Variants in PRELID2 observed in about 807,000 individuals in gnomAD.
PRELID2 encodes the protein PRELI domain containing 2.
Under a neutral mutation model 28.4 loss-of-function variants are expected in PRELID2, and 25 were observed. The observed-to-expected ratio is 0.88, with a 90% CI of 0.64 to 1.23. PRELID2 has a LOEUF of 1.23. Among genes scored for constraint, PRELID2 ranks in the 50% most tolerant of loss-of-function variants. The pLI, the probability that PRELID2 is intolerant of heterozygous loss-of-function variation, is 0.00. For synonymous variants in PRELID2, 76 were observed against 71.6 expected (o/e 1.06, Z -0.31); for missense variants, 201 against 214.4 (o/e 0.94, Z 0.39).
At chr5:145,319,680 A>AAAATAAAT in the PRELID2 span, among the ~76,000 whole-genome samples, 48 of 144,652 alleles carry the variant, frequency 3.3e-4, no homozygotes, top group Non-Finnish European at 4.5e-4. Flanking sequence ...CTCCATCTCA[A>AAAATAAAT]AAATAAATAA....
At chr5:145,229,742 C>A in the PRELID2 span, 1 of 753,800 alleles carries the variant, frequency 1.3e-6, no homozygotes, top group Non-Finnish European at 2.4e-6. Context: ...TGCACAAAAC[C>A]AATCAAGGCC....
chr5:145,316,100 G>T, the PRELID2 span, among the ~76,000 whole-genome samples: 10 of 152,136 alleles, frequency 6.6e-5, no homozygotes, highest in East Asian at 5.8e-4. Flanking sequence ...CTTGAAATTG[G>T]CCATGGTAGA....
At chr5:145,767,349 G>A (rs991690808) in intron 5 of PRELID2, among the ~76,000 whole-genome samples, 14 of 151,928 alleles carry the variant, frequency 9.2e-5, no homozygotes, top group East Asian at 1.9e-4. Context: ...TCCCCATCCC[G>A]CTGAGAGCCA....
intron 1 of PRELID2, among the ~76,000 whole-genome samples, chr5:145,690,354 G>A (rs1005512267): frequency 6.6e-6 from 1 of 152,116 alleles, no homozygotes; most frequent in African/African-American, 2.4e-5. Context: ...TTTAGCAGTG[G>A]AATATATGAC....
chr5:145,482,193 G>A (rs544659787), intron 1 of PRELID2, among the ~76,000 whole-genome samples: 111 of 152,306 alleles, frequency 7.3e-4, no homozygotes, highest in African/African-American at 2.5e-3. Flanking sequence ...CACACAGAAG[G>A]ATTTTGTGAG....
chr5:145,574,525 T>A (rs555637436), intron 1 of PRELID2, among the ~76,000 whole-genome samples: 10 of 152,346 alleles, frequency 6.6e-5, no homozygotes, highest in African/African-American at 2.4e-4. Context: ...TTAGTCATCT[T>A]GTCAGCATGA....
the PRELID2 span, among the ~76,000 whole-genome samples, chr5:145,408,150 G>A: frequency 2.2e-4 from 33 of 152,094 alleles, no homozygotes; most frequent in African/African-American, 7.2e-4. Flanking sequence ...AATCTGAACC[G>A]CAGCCCTTGA....
intron 1 of PRELID2, among the ~76,000 whole-genome samples, chr5:145,707,993 C>G (rs933912615): frequency 1.3e-5 from 2 of 152,148 alleles, no homozygotes; most frequent in Non-Finnish European, 2.9e-5. Context: ...ATAGCAAACA[C>G]TCAATAAATA....
the PRELID2 span, among the ~76,000 whole-genome samples, chr5:145,394,305 C>T: frequency 2.0e-5 from 3 of 151,824 alleles, no homozygotes; most frequent in Non-Finnish European, 4.4e-5. Flanking sequence ...AACTGGAAAC[C>T]ATCATTCTCA....
the PRELID2 span, among the ~76,000 whole-genome samples, chr5:145,431,109 ATT>A: frequency 6.9e-6 from 1 of 144,658 alleles, no homozygotes; most frequent in Non-Finnish European, 1.5e-5. Flanking sequence ...CTCTTCTGAC[ATT>A]TTCTTAAAAC....
chr5:145,440,732 G>A, the PRELID2 span: 20 of 152,184 alleles, frequency 1.3e-4, no homozygotes, highest in African/African-American at 3.4e-4. Flanking sequence ...TGGGGGCTGG[G>A]AAACAATTAC....
intron 1 of PRELID2, among the ~76,000 whole-genome samples, chr5:145,498,759 G>C (rs946477242): frequency 6.6e-6 from 1 of 151,846 alleles, no homozygotes; most frequent in Non-Finnish European, 1.5e-5. Flanking sequence ...GTTTCACCAT[G>C]TTGGCCAAAC....
intron 1 of PRELID2, among the ~76,000 whole-genome samples, chr5:145,648,966 A>G (rs966721588): frequency 6.6e-6 from 1 of 152,082 alleles, no homozygotes; most frequent in African/African-American, 2.4e-5. Flanking sequence ...AGTAGAAACC[A>G]TACTTTGAGT....
At chr5:145,604,115 G>A (rs1053727796) in intron 1 of PRELID2, among the ~76,000 whole-genome samples, 1 of 151,550 alleles carries the variant, frequency 6.6e-6, no homozygotes, top group African/African-American at 2.4e-5. Flanking sequence ...TAACTTTTAG[G>A]TTCAGGGGTA....
At chr5:145,400,338 A>T in the PRELID2 span, among the ~76,000 whole-genome samples, 1 of 152,024 alleles carries the variant, frequency 6.6e-6, no homozygotes, top group African/African-American at 2.4e-5. Flanking sequence ...AAAGTTCAGG[A>T]TCCCCAATCA....
Position 145,553,182 on chromosome 5 carries a change from A to ACCC in PRELID2, n.71-79870_71-79868dup, listed in dbSNP as rs1181624545. On this transcript the variant is annotated intron_variant and non_coding_transcript_variant, in intron 1 of 2. Transcript: ENST00000510259. The stretch of plus-strand genomic sequence containing the variant: ...TGAAATATATACCAGTTGCTAGAGG[A>ACCC]CCCCCCCCCCCAAAAAAAAAGGGAG... Among the ~76,000 whole-genome samples the ACCC allele has an allele frequency of 3.1e-3, 329 of 106,608 alleles. 2 individuals are homozygous for ACCC. Among genetic ancestry groups the ACCC allele is most frequent in the Non-Finnish European group, 5.1e-3 (262 of 51,514 alleles). The allele number at this position is 106,608 out of a possible 152,430, so 69.9% of individuals were successfully genotyped here.
the PRELID2 span, among the ~76,000 whole-genome samples, chr5:145,309,668 G>T: frequency 6.6e-6 from 1 of 152,120 alleles, no homozygotes; most frequent in African/African-American, 2.4e-5. Flanking sequence ...GCTATGTTCA[G>T]TCTTCCTATC....
chr5:145,451,868 T>C, the PRELID2 span, among the ~76,000 whole-genome samples: 2 of 152,146 alleles, frequency 1.3e-5, no homozygotes, highest in African/African-American at 2.4e-5. Flanking sequence ...AAAAAAAGCC[T>C]GAATTATGTG....
the PRELID2 span, among the ~76,000 whole-genome samples, chr5:145,414,694 G>C: frequency 2.0e-5 from 3 of 152,170 alleles, no homozygotes; most frequent in South Asian, 6.2e-4. Context: ...GTGAATCAGA[G>C]TAGTGTTCTC....
Sources: gnomAD v4.1 joint callset for allele counts (sites outside exome capture counted in the v4.1 genomes callset) on GRCh38, gnomAD v4.1.1 for gene constraint, MANE v1.5 for transcripts, NCBI Gene and HGNC (gene_info 2026-07-23, HGNC 2026-07-21) for gene names.